Variants in C4BPA observed in about 807,000 individuals in gnomAD.
C4BPA encodes the protein C4b-binding protein alpha chain.
C4BPA carries 31 observed loss-of-function variants against 63.7 expected under a neutral mutation model. That is an observed-to-expected ratio of 0.49 (90% CI 0.37 to 0.66). The LOEUF (loss-of-function observed/expected upper bound fraction) is 0.66. Ranked by LOEUF, C4BPA falls within the 30% of genes least tolerant of loss-of-function variation. The pLI is 0.00. For synonymous variants in C4BPA, 259 were observed against 254.7 expected, an observed-to-expected ratio of 1.02 and a Z score of -0.16; for missense variants, 572 against 723.3, an observed-to-expected ratio of 0.79 and a Z score of 2.40.
At chr1:207,140,793 C>G (rs1685397365) in intron 9 of C4BPA, among the ~76,000 whole-genome samples, 1 of 152,188 alleles carries the variant, frequency 6.6e-6, no homozygotes, top group South Asian at 2.1e-4. Context: ...ACTAAGTGTA[C>G]TATGAGTATG....
Position 207,126,525 on chromosome 1 carries a change from A to T in C4BPA, c.707-188A>T, listed in dbSNP as rs1160432053. On this transcript the variant is annotated intron_variant, in intron 6 of 11. Transcript: ENST00000367070. Reference sequence around the variant, plus strand: ...AAAGGATTACATATATATATATATTATATATACAGATATATATGTATGCGT... The same window carrying T: ...AAAGGATTACATATATATATATATTTTATATACAGATATATATGTATGCGT... 1.3e-5 allele frequency among the ~76,000 whole-genome samples: 2 copies of T among 148,336 alleles called. No individual in the cohort carries two copies. Among genetic ancestry groups the T allele is most frequent in the Non-Finnish European group, 3.0e-5 (2 of 67,386 alleles).
chr1:207,114,850 CA>C (rs1462105152), intron 3 of C4BPA: 1 of 153,232 alleles, frequency 6.5e-6, no homozygotes, highest in African/African-American at 2.4e-5. Flanking sequence ...AAAAGAACCA[CA>C]AATTTCATTA....
At chr1:207,137,780 G>A (rs992294636) in intron 9 of C4BPA, among the ~76,000 whole-genome samples, 7 of 152,252 alleles carry the variant, frequency 4.6e-5, no homozygotes, top group Middle Eastern at 6.8e-3. Flanking sequence ...ACTGGGCCCA[G>A]CTAATTTTTG....
chr1:207,120,740 A>G (rs2102337740), intron 4 of C4BPA, among the ~76,000 whole-genome samples: 1 of 152,352 alleles, frequency 6.6e-6, no homozygotes, highest in South Asian at 2.1e-4. Context: ...TTTCATTAAT[A>G]TTTCAACAGG....
chr1:207,109,870 C>T (rs766250714), intron 1 of C4BPA, among the ~76,000 whole-genome samples: 2 of 152,224 alleles, frequency 1.3e-5, no homozygotes, highest in Non-Finnish European at 2.9e-5. Flanking sequence ...CATTAAAATA[C>T]AGGTGTTTGC....
Position 207,144,579 on chromosome 1 carries a change from C to A in C4BPA, c.1656C>A (p.Gly552=). The change falls in exon 12 of 12, where the codon GGC becomes GGA. Residue 552 remains glycine (G), a synonymous_variant. Transcript: ENST00000367070. ...AAGGCTGTGAACAAGTGCTCACAGG[C>A]AAAAGACTCATGCAGTGTCTCCCAA... ...TPEGCEQVLT[G]KRLMQCLPNP... 6.2e-7 allele frequency: 1 copy of A among 1,612,566 alleles called. No homozygotes were observed. The highest frequency in any genetic ancestry group is 8.5e-7 in the Non-Finnish European group (1 of 1,179,560).
rs146390984 is a variant in C4BPA at position 207,105,323 on chromosome 1, C to T, written c.-26+893C>T. Among the ~76,000 whole-genome samples the T allele has an allele frequency of 4.4e-3, 667 of 151,982 alleles. 7 individuals are homozygous for T. The highest frequency in any genetic ancestry group is 6.8e-3 in the Middle Eastern group (2 of 292). On this transcript the variant is annotated intron_variant, in intron 1 of 11. Transcript: ENST00000367070. ...CTGTAATCCCAGCACTTTGGGAGGC[C>T]GAGGCTGGCGGATCACCTGAGGTCG...
intron 9 of C4BPA, among the ~76,000 whole-genome samples, chr1:207,140,481 C>T (rs766837069): frequency 3.3e-5 from 5 of 151,806 alleles, no homozygotes; most frequent in Admixed American, 6.6e-5. Flanking sequence ...GTACTTTGTC[C>T]GACATTCCTG....
chr1:207,128,456 C>G (rs1057378860), intron 7 of C4BPA, among the ~76,000 whole-genome samples: 19 of 152,236 alleles, frequency 1.2e-4, no homozygotes, highest in Non-Finnish European at 2.5e-4. Flanking sequence ...TGTAAACACT[C>G]TGCCCCTTTC....
Position 207,144,553 on chromosome 1 carries a change from G to A in C4BPA, c.1630G>A (p.Glu544Lys), listed in dbSNP as rs372190373. The change falls in exon 12 of 12, where the codon GAA (glutamate) becomes AAA (lysine). Residue 544 changes from glutamate (E) to lysine (K), a missense_variant. This residue lies in a region of C4BPA where 465 missense variants were observed against 629.4 expected (regional missense o/e 0.74). Transcript: ENST00000367070. ...CACTTATATCTTTTAGGAGACCCCC[G>A]AAGGCTGTGAACAAGTGCTCACAGG... ...EVPKCEWETP[E>K]GCEQVLTGKR... 83 of 1,609,048 alleles carry A rather than the reference G, an allele frequency of 5.2e-5. No homozygotes were observed. Among genetic ancestry groups the A allele is most frequent in the Non-Finnish European group, 6.6e-5 (78 of 1,178,430 alleles).
At position 207,113,051 on chromosome 1, in the gene C4BPA, G is replaced by C; in HGVS notation, c.26G>C (p.Gly9Ala). 1.9e-6 allele frequency: 3 copies of C among 1,607,586 alleles called. No individual in the cohort carries two copies. Among genetic ancestry groups the C allele is most frequent in the Non-Finnish European group, 2.5e-6 (3 of 1,177,742 alleles). Residue 9 changes from glycine (G) to alanine (A), a missense_variant, in exon 2 of 12, where the codon GGG becomes GCG. This residue lies in a region of C4BPA where 107 missense variants were observed against 93.9 expected (regional missense o/e 1.14). Transcript: ENST00000367070. The stretch of plus-strand genomic sequence containing the variant: ...ATGCACCCCCCAAAAACTCCATCTG[G>C]GGCTCTTCATAGAAAAAGGAAAATG... MHPPKTPS[G>A]ALHRKRKMAA... is the part of the protein sequence containing the mutation.
At chr1:207,116,512 GTATA>G (rs369612538) in intron 4 of C4BPA, among the ~76,000 whole-genome samples, 4,489 of 44,776 alleles carry the variant, frequency 0.1, 256 homozygotes, top group African/African-American at 0.2. Context: ...GTGTGTGTGT[GTATA>G]TGTGTGTGTG....
At chr1:207,125,210 C>T (rs531028602) in intron 6 of C4BPA, among the ~76,000 whole-genome samples, 2 of 152,170 alleles carry the variant, frequency 1.3e-5, no homozygotes, top group African/African-American at 2.4e-5. Context: ...CAAGTGAAAG[C>T]GGCAATAGCT....
At chr1:207,144,039 A>C in intron 11 of C4BPA, 46 bp downstream of exon 11, 1 of 1,431,282 alleles carries the variant, frequency 7.0e-7, no homozygotes, top group Non-Finnish European at 9.5e-7. Context: ...GACCCCTAAA[A>C]ATGGTGGCAT....
At chr1:207,111,018 A>G (rs1684657670) in intron 1 of C4BPA, among the ~76,000 whole-genome samples, 1 of 152,238 alleles carries the variant, frequency 6.6e-6, no homozygotes, top group Admixed American at 6.5e-5. Context: ...TCAAAAATTG[A>G]AGAAACTTTT....
At chr1:207,130,798 G>A (rs1488173894) in intron 7 of C4BPA, among the ~76,000 whole-genome samples, 1 of 152,146 alleles carries the variant, frequency 6.6e-6, no homozygotes, top group African/African-American at 2.4e-5. Flanking sequence ...GACCTAGGGG[G>A]AGGTGGAAAT....
chr1:207,111,350 A>G (rs1367929190), intron 1 of C4BPA, among the ~76,000 whole-genome samples: 4 of 152,362 alleles, frequency 2.6e-5, no homozygotes, highest in Non-Finnish European at 5.9e-5. Context: ...GTAAGTGACT[A>G]CAACTGGTAA....
At chr1:207,131,376 T>C in intron 7 of C4BPA, among the ~76,000 whole-genome samples, 170 bp from the exon 8 acceptor site, 1 of 152,218 alleles carries the variant, frequency 6.6e-6, no homozygotes, top group East Asian at 1.9e-4. Context: ...TGTGCACATT[T>C]GAGCGAATGT....
At chr1:207,115,273 A>G (rs1038431339) in intron 3 of C4BPA, 143 bp from the exon 4 acceptor site, 1 of 533,226 alleles carries the variant, frequency 1.9e-6, no homozygotes, top group African/African-American at 2.1e-5. Context: ...TTTTGAGGTG[A>G]GTCAGGGTTA....
Sources: gnomAD v4.1 joint callset for allele counts (sites outside exome capture counted in the v4.1 genomes callset) on GRCh38, gnomAD v4.1.1 for gene constraint, gnomAD v4.1.1 regional missense constraint, MANE v1.5 for transcripts, NCBI Gene and HGNC (gene_info 2026-07-23, HGNC 2026-07-21) for gene names.